Variants in SNTG1 observed in about 807,000 individuals in gnomAD.
SNTG1 encodes the protein syntrophin gamma 1.
A neutral mutation model predicts 74.7 loss-of-function variants in SNTG1; 39 were observed. The observed-to-expected ratio is 0.52, with a 90% CI of 0.40 to 0.68. The LOEUF (loss-of-function observed/expected upper bound fraction) is 0.68. Ranked by LOEUF, SNTG1 falls within the 30% of genes least tolerant of loss-of-function variation. The probability of loss-of-function intolerance (pLI) is 0.00; values close to 1 mark genes in which losing one functional copy is unlikely to be tolerated. For synonymous variants in SNTG1, 254 were observed against 217.1 expected (o/e 1.17, Z -1.49); for missense variants, 685 against 609.5 (o/e 1.12, Z -1.30).
intron 1 of SNTG1, among the ~76,000 whole-genome samples, chr8:50,041,312 G>A (rs1230545647): frequency 6.6e-6 from 1 of 152,148 alleles, no homozygotes; most frequent in East Asian, 1.9e-4. Flanking sequence ...GGTGGGTACA[G>A]GCAGAGTCAC....
intron 9 of SNTG1, among the ~76,000 whole-genome samples, chr8:50,509,923 G>T (rs1167416665): frequency 6.6e-6 from 1 of 152,124 alleles, no homozygotes; most frequent in African/African-American, 2.4e-5. Context: ...TCTCCTGCCT[G>T]ATTGTCCTGT....
chr8:50,734,724 T>G (rs1403855333), intron 17 of SNTG1, among the ~76,000 whole-genome samples: 18 of 130,792 alleles, frequency 1.4e-4, no homozygotes, highest in Admixed American at 2.2e-4. Flanking sequence ...ATGGACATTA[T>G]ATATCTATAT....
chr8:50,056,561 T>A (rs1477597441), intron 1 of SNTG1, among the ~76,000 whole-genome samples: 3 of 152,166 alleles, frequency 2.0e-5, no homozygotes, highest in African/African-American at 7.2e-5. Flanking sequence ...GTCCAACTTC[T>A]TGGGTTCCAA....
Position 50,341,036 on chromosome 8 carries a change from T to A in SNTG1, c.-27-53176T>A, listed in dbSNP as rs1337168783. Reference sequence around the variant, plus strand: ...TAGTTACAAATGAAAACAAAGAGGTTAAGATTGTTTGAGTTTTACTTAATT... The same window carrying A: ...TAGTTACAAATGAAAACAAAGAGGTAAAGATTGTTTGAGTTTTACTTAATT... On this transcript the variant is annotated intron_variant, in intron 2 of 18. Coordinates refer to ENST00000642720, the MANE Select transcript of SNTG1 (RefSeq NM_018967.5). Among the ~76,000 whole-genome samples the A allele has an allele frequency of 3.3e-5, 5 of 152,024 alleles. No individual in the cohort carries two copies. The East Asian group carries it at 9.6e-4, about 29-fold the overall frequency.
chr8:50,662,103 G>A (rs1024078781), intron 15 of SNTG1, among the ~76,000 whole-genome samples: 8 of 152,120 alleles, frequency 5.3e-5, no homozygotes, highest in African/African-American at 1.9e-4. Flanking sequence ...CAAATAAGAA[G>A]GGGCATCTTC....
chr8:50,320,565 G>A (rs867042936), intron 2 of SNTG1, among the ~76,000 whole-genome samples: 21 of 150,314 alleles, frequency 1.4e-4, no homozygotes, highest in African/African-American at 5.1e-4. Context: ...TGTGTTTGGT[G>A]TTCTGTTGAC....
At chr8:50,287,957 C>T (rs2088878605) in intron 2 of SNTG1, among the ~76,000 whole-genome samples, 1 of 152,188 alleles carries the variant, frequency 6.6e-6, no homozygotes, top group Admixed American at 6.5e-5. Flanking sequence ...AACGTCATCT[C>T]TATGAAGCAA....
At chr8:50,461,740 G>GTTTTA (rs2093564893) in intron 8 of SNTG1, among the ~76,000 whole-genome samples, 2 of 151,698 alleles carry the variant, frequency 1.3e-5, no homozygotes, top group Admixed American at 1.3e-4. Flanking sequence ...TGTTTGTTTT[G>GTTTTA]TTTTGTTTTC....
chr8:50,318,604 G>A (rs998558854), intron 2 of SNTG1, among the ~76,000 whole-genome samples: 8 of 152,168 alleles, frequency 5.3e-5, no homozygotes, highest in Non-Finnish European at 1.0e-4. Context: ...TCTTAATGGG[G>A]GACAAAGATC....
At chr8:49,915,453 G>A (rs1805945072) in intron 1 of SNTG1, among the ~76,000 whole-genome samples, 1 of 152,144 alleles carries the variant, frequency 6.6e-6, no homozygotes, top group African/African-American at 2.4e-5. Context: ...TGATACTTCA[G>A]CAGTCATTTC....
At chr8:50,038,322 T>C (rs1490346953) in intron 1 of SNTG1, among the ~76,000 whole-genome samples, 1 of 152,174 alleles carries the variant, frequency 6.6e-6, no homozygotes, top group Admixed American at 6.5e-5. Flanking sequence ...TTTCTGGTTC[T>C]GGGAACTGTA....
chr8:50,365,238 C>T (rs1354197800), intron 2 of SNTG1, among the ~76,000 whole-genome samples: 1 of 152,078 alleles, frequency 6.6e-6, no homozygotes, highest in Admixed American at 6.6e-5. Flanking sequence ...TGATTTTTCT[C>T]TTCAATGTCT....
intron 2 of SNTG1, among the ~76,000 whole-genome samples, chr8:50,353,974 T>G (rs1456665531): frequency 6.6e-6 from 1 of 152,234 alleles, no homozygotes; most frequent in East Asian, 1.9e-4. Context: ...TGTACCTGGC[T>G]CTCAGGTGAG....
intron 13 of SNTG1, among the ~76,000 whole-genome samples, chr8:50,630,845 C>G (rs1212942650): frequency 6.6e-6 from 1 of 152,196 alleles, no homozygotes; most frequent in East Asian, 1.9e-4. Context: ...CCTTTGGAGA[C>G]TGGATGGAAA....
At chr8:50,288,018 G>A (rs1431583046) in intron 2 of SNTG1, among the ~76,000 whole-genome samples, 1 of 151,838 alleles carries the variant, frequency 6.6e-6, no homozygotes, top group Non-Finnish European at 1.5e-5. Flanking sequence ...CTCCAAATAT[G>A]GCATTTATAT....
At chr8:49,993,886 A>G (rs1813926986) in intron 1 of SNTG1, among the ~76,000 whole-genome samples, 1 of 152,154 alleles carries the variant, frequency 6.6e-6, no homozygotes, top group African/African-American at 2.4e-5. Context: ...TTGATTATTG[A>G]ACGAATGAAA....
intron 16 of SNTG1, among the ~76,000 whole-genome samples, 199 bp downstream of exon 16, chr8:50,704,951 T>C (rs1460461226): frequency 6.6e-6 from 1 of 152,210 alleles, no homozygotes; most frequent in South Asian, 2.1e-4. Context: ...CACGACTTGA[T>C]CTTTCCAGGC....
intron 18 of SNTG1, among the ~76,000 whole-genome samples, chr8:50,781,574 C>T (rs2095659571): frequency 1.3e-5 from 2 of 152,210 alleles, no homozygotes; most frequent in South Asian, 4.1e-4. Context: ...TTCCTCCATC[C>T]TTTTATTTTG....
intron 15 of SNTG1, among the ~76,000 whole-genome samples, chr8:50,689,745 G>T (rs2095369198): frequency 6.6e-6 from 1 of 152,144 alleles, no homozygotes. Context: ...TTTGGTATCA[G>T]GATGATGCTG....
Sources: gnomAD v4.1 joint callset for allele counts (sites outside exome capture counted in the v4.1 genomes callset) on GRCh38, gnomAD v4.1.1 for gene constraint, MANE v1.5 for transcripts, NCBI Gene and HGNC (gene_info 2026-07-23, HGNC 2026-07-21) for gene names.